The following ABHD6 variants were observed in gnomAD, a reference collection of about 807,000 sequenced individuals.
ABHD6 encodes the protein monoacylglycerol lipase ABHD6.
ABHD6 carries 33 observed loss-of-function variants against 38.8 expected under a neutral mutation model. That is an observed-to-expected ratio of 0.85 (90% CI 0.64 to 1.14). The LOEUF (loss-of-function observed/expected upper bound fraction) is 1.14, where lower values mean the gene tolerates loss of function less well. Ranked by LOEUF, ABHD6 falls within the 50% of genes most tolerant of loss-of-function variation. ABHD6 has a pLI of 0.00. For missense variants in ABHD6, 380 were observed against 422.6 expected (o/e 0.90, Z 0.88); for synonymous variants, 147 against 161.6 (o/e 0.91, Z 0.69).
At chr3:58,258,720 C>T (rs1033168463) in intron 3 of ABHD6, 2 of 153,938 alleles carry the variant, frequency 1.3e-5, no homozygotes, top group African/African-American at 4.8e-5. Context: ...TTTATCTGCC[C>T]TCCTTTCTGG....
intron 3 of ABHD6, among the ~76,000 whole-genome samples, chr3:58,260,009 G>A (rs2097435926): frequency 6.6e-6 from 1 of 152,186 alleles, no homozygotes; most frequent in Non-Finnish European, 1.5e-5. Context: ...GTTGTAGCAT[G>A]CATCACTCCT....
chr3:58,285,384 A>G lies in ABHD6; in HGVS notation c.768A>G (p.Arg256=), dbSNP rs1303359362. ...LFLEIVSEKS[R]YSLHQNMDKI... ...TGGAAATCGTCAGTGAGAAGTCCAG[A>G]TACTCTCTCCATCAGAACATGGACA... is the stretch of plus-strand genomic sequence containing the variant. The change falls in exon 9 of 10, where the codon AGA becomes AGG. Residue 256 remains arginine (R), a synonymous_variant. Coordinates refer to ENST00000478253, the MANE Select transcript of ABHD6 (RefSeq NM_001320126.2). The surrounding 1 kb of genome is among the most constrained non-coding windows in gnomAD (Gnocchi z 4.9). 3 of 1,614,130 alleles carry G rather than the reference A, an allele frequency of 1.9e-6. No individual in the cohort carries two copies. In the East Asian group the frequency reaches 6.7e-5, roughly 36 times the overall value.
Position 58,269,215 on chromosome 3 carries a change from C to T in ABHD6, c.277-106C>T. 1.3e-6 allele frequency: 1 copy of T among 743,684 alleles called. No homozygotes were observed. The highest frequency in any genetic ancestry group is 2.3e-6 in the Non-Finnish European group (1 of 426,344). 46.1% of individuals were successfully genotyped at this position (743,684 alleles called of 1,614,324 possible). The stretch of plus-strand genomic sequence containing the variant: ...CTGAGTGGCCAAGACCCATACATCC[C>T]CAGGGATGGCTGTCTGGGTCACTGT... On this transcript the variant is annotated intron_variant, in intron 4 of 9. Coordinates refer to ENST00000478253, the MANE Select transcript of ABHD6 (RefSeq NM_001320126.2). This position sits in a 1 kb window ranked among gnomAD's most constrained non-coding sequence, Gnocchi z 4.4.
chr3:58,270,231 C>T (rs978481241), intron 5 of ABHD6, among the ~76,000 whole-genome samples: 9 of 152,088 alleles, frequency 5.9e-5, no homozygotes, highest in Admixed American at 3.9e-4. Context: ...GTCAGATGGA[C>T]GAGAAGAGCT....
chr3:58,284,249 G>A (rs1277282646), intron 7 of ABHD6, among the ~76,000 whole-genome samples: 2 of 152,146 alleles, frequency 1.3e-5, no homozygotes, highest in African/African-American at 4.8e-5. Flanking sequence ...AGCAGGGAAG[G>A]CAAAGACAGT....
chr3:58,289,236 T>TA (rs397746484), intron 9 of ABHD6, among the ~76,000 whole-genome samples: 6 of 151,270 alleles, frequency 4.0e-5, no homozygotes, highest in Non-Finnish European at 5.9e-5. Flanking sequence ...TTATTTTTTT[T>TA]ATTTTTTTAT....
intron 3 of ABHD6, chr3:58,258,495 C>T (rs552679934): frequency 1.4e-4 from 44 of 325,744 alleles, no homozygotes; most frequent in African/African-American, 9.4e-4. Context: ...GTGACTTTCT[C>T]ATGATGTGCT....
intron 9 of ABHD6, among the ~76,000 whole-genome samples, chr3:58,286,862 ATATATATGTATATG>A (rs2097457690): frequency 8.1e-6 from 1 of 122,950 alleles, no homozygotes; most frequent in African/African-American, 3.0e-5. Flanking sequence ...GTATATATAT[ATATATATGTATATG>A]TATATATAAG....
Position 58,285,901 on chromosome 3 carries a change from A to G in ABHD6, c.837+448A>G, listed in dbSNP as rs924061083. Among the ~76,000 whole-genome samples the G allele has an allele frequency of 6.6e-6, 1 of 152,098 alleles. No individual in the cohort carries two copies. Among genetic ancestry groups the G allele is most frequent in the Non-Finnish European group, 1.5e-5 (1 of 67,998 alleles). The stretch of plus-strand genomic sequence containing the variant: ...CACCCAGGCTGGAGTGCAGTGGCCC[A>G]ATCTTGGCTCACTGCAACTTCTGCC... On this transcript the variant is annotated intron_variant, in intron 9 of 9. Coordinates refer to ENST00000478253, the MANE Select transcript of ABHD6 (RefSeq NM_001320126.2). The surrounding 1 kb of genome is among the most constrained non-coding windows in gnomAD (Gnocchi z 4.9).
chr3:58,293,495 C>A lies in ABHD6; in HGVS notation c.838-94C>A. 7.2e-7 allele frequency: 1 copy of A among 1,388,274 alleles called. No individual in the cohort carries two copies. The highest frequency in any genetic ancestry group is 9.8e-7 in the Non-Finnish European group (1 of 1,017,610). 86.0% of individuals were successfully genotyped at this position (1,388,274 alleles called of 1,614,324 possible). ...ATTCACATCCTCCTGCCCCACTGAC[C>A]CCTGCCAGGCCTTGGTGGAAGTTCT... is the stretch of plus-strand genomic sequence containing the variant. On this transcript the variant is annotated intron_variant, in intron 9 of 9. Coordinates refer to ENST00000478253, the MANE Select transcript of ABHD6 (RefSeq NM_001320126.2). This position sits in a 1 kb window ranked among gnomAD's most constrained non-coding sequence, Gnocchi z 4.4.
In ABHD6 at chr3:58,264,428, C is replaced by T. The variant is rs1018848041; in HGVS notation, c.120-2761C>T. 5.2e-4 allele frequency among the ~76,000 whole-genome samples: 68 copies of T among 130,998 alleles called. 2 individuals are homozygous for T. Among genetic ancestry groups the T allele is most frequent in the South Asian group, 3.9e-3 (17 of 4,402 alleles). The allele number at this position is 130,998 out of a possible 152,430, so 85.9% of individuals were successfully genotyped here. A position where few individuals can be genotyped will look rare whatever the true frequency, so the allele number is the denominator to read the frequency against. On this transcript the variant is annotated intron_variant, in intron 3 of 9. Transcript: ENST00000478253. ...ACACACACACACACACACACACACACACACACACACACACACATATGCCAG... is the reference window on the plus strand; with the variant it reads ...ACACACACACACACACACACACACATACACACACACACACACATATGCCAG...
At chr3:58,248,233 T>G (rs1304306202) in intron 1 of ABHD6, among the ~76,000 whole-genome samples, 1 of 152,252 alleles carries the variant, frequency 6.6e-6, no homozygotes, top group African/African-American at 2.4e-5. Context: ...TTGTATTTAG[T>G]GGCTATATAT....
At chr3:58,289,651 G>A (rs971609058) in intron 9 of ABHD6, among the ~76,000 whole-genome samples, 2 of 152,158 alleles carry the variant, frequency 1.3e-5, no homozygotes, top group South Asian at 2.1e-4. Flanking sequence ...ACACAGACAC[G>A]GCAACCATCC....
At chr3:58,249,305 T>C (rs2097428452) in intron 1 of ABHD6, among the ~76,000 whole-genome samples, 1 of 152,266 alleles carries the variant, frequency 6.6e-6, no homozygotes, top group African/African-American at 2.4e-5. Flanking sequence ...TTATTTTTTA[T>C]ATTTAATTCT....
At chr3:58,245,615 C>A (rs1466236340) in intron 1 of ABHD6, among the ~76,000 whole-genome samples, 1 of 152,044 alleles carries the variant, frequency 6.6e-6, no homozygotes, top group Non-Finnish European at 1.5e-5. Context: ...CCTGTCTCTA[C>A]TAAAAATACA....
rs568030868 is a variant in ABHD6 at position 58,246,705 on chromosome 3, A to AAGGAGATAAGAATTTGTGGTT, written c.-90-3172_-90-3152dup. 2.5e-3 allele frequency among the ~76,000 whole-genome samples: 388 copies of AAGGAGATAAGAATTTGTGGTT among 152,362 alleles called. 2 individuals carry two copies. Among genetic ancestry groups the AAGGAGATAAGAATTTGTGGTT allele is most frequent in the African/African-American group, 8.9e-3 (371 of 41,586 alleles). ...AATCAGTACCTCTCCCAGAATCACG[A>AAGGAGATAAGAATTTGTGGTT]AGGAGATAAGAATTTGTGGTTTATG... On this transcript the variant is annotated intron_variant, in intron 1 of 9. Coordinates refer to ENST00000478253, the MANE Select transcript of ABHD6 (RefSeq NM_001320126.2).
intron 3 of ABHD6, chr3:58,258,456 G>A: frequency 2.7e-6 from 1 of 363,828 alleles, no homozygotes; most frequent in Non-Finnish European, 5.7e-6. Flanking sequence ...CTCCTTGTTG[G>A]AATCAGAAGG....
At chr3:58,241,624 A>C (rs897952305) in intron 1 of ABHD6, among the ~76,000 whole-genome samples, 3 of 152,224 alleles carry the variant, frequency 2.0e-5, no homozygotes, top group African/African-American at 7.2e-5. Context: ...AAAAGGATTC[A>C]TACGTTACAT....
intron 1 of ABHD6, among the ~76,000 whole-genome samples, chr3:58,246,913 T>C (rs2097426801): frequency 6.6e-6 from 1 of 152,104 alleles, no homozygotes; most frequent in Admixed American, 6.5e-5. Context: ...GTTAATAGAG[T>C]GGGCTGCTAG....
Sources: allele counts gnomAD v4.1 joint callset (sites outside exome capture counted in the v4.1 genomes callset), GRCh38; gene constraint gnomAD v4.1.1; non-coding constraint Gnocchi (gnomAD v3.1); transcripts MANE v1.5; gene names NCBI Gene and HGNC (gene_info 2026-07-23, HGNC 2026-07-21).